The following CDO1 variants were observed in gnomAD, a reference collection of about 807,000 sequenced individuals.
The protein encoded by CDO1 is cysteine dioxygenase, type I.
Under a neutral mutation model 24.5 loss-of-function variants are expected in CDO1, and 19 were observed. The ratio of observed to expected loss-of-function variants is 0.77; its 90% CI spans 0.54 to 1.14. The LOEUF is 1.14. CDO1 is among the 50% of genes most tolerant of loss of function. The pLI, the probability that CDO1 is intolerant of heterozygous loss-of-function variation, is 0.00. For missense variants in CDO1, 244 were observed against 244.8 expected, an observed-to-expected ratio of 1.00 and a Z score of 0.02; for synonymous variants, 91 against 87.0, an observed-to-expected ratio of 1.05 and a Z score of -0.26.
chr5:115,807,079 G>C (rs1292661523), intron 3 of CDO1, among the ~76,000 whole-genome samples: 4 of 152,076 alleles, frequency 2.6e-5, no homozygotes, highest in African/African-American at 9.7e-5. Flanking sequence ...GAGTGTAAGA[G>C]ATCAACTTGG....
intron 2 of CDO1, among the ~76,000 whole-genome samples, chr5:115,812,045 T>C (rs1266403676): frequency 6.6e-6 from 1 of 152,224 alleles, no homozygotes; most frequent in Admixed American, 6.5e-5. Context: ...TGTATCTATA[T>C]ACATTTTGGG....
chr5:115,816,104 A>C, intron 1 of CDO1, 124 bp downstream of exon 1: 151 of 555,896 alleles, frequency 2.7e-4, no homozygotes, highest in Middle Eastern at 1.5e-3. Context: ...CGAGGGGGCG[A>C]GCGGCGGACG....
chr5:115,812,302 C>T (rs1267814251), intron 2 of CDO1, among the ~76,000 whole-genome samples: 1 of 152,094 alleles, frequency 6.6e-6, no homozygotes, highest in Non-Finnish European at 1.5e-5. Flanking sequence ...TTACCATTCT[C>T]AAGACTGAGA....
chr5:115,811,685 T>C (rs1161423422), intron 2 of CDO1, among the ~76,000 whole-genome samples: 1 of 152,178 alleles, frequency 6.6e-6, no homozygotes, highest in Non-Finnish European at 1.5e-5. Flanking sequence ...TGAAAGTACA[T>C]TAGAGAAATT....
intron 4 of CDO1, among the ~76,000 whole-genome samples, chr5:115,805,945 T>C (rs1396220046): frequency 6.6e-6 from 1 of 152,204 alleles, no homozygotes; most frequent in Non-Finnish European, 1.5e-5. Flanking sequence ...ATAAGCAACA[T>C]TGGCAAACAA....
rs368071141 is a variant in CDO1, at chr5:115,805,426, G to A, written c.*7C>T. 14 of 1,613,480 alleles carry A rather than the reference G, an allele frequency of 8.7e-6. No homozygotes were observed. The African/African-American group carries it at 1.9e-4, about 22-fold the overall frequency. ...TTAAAGTAAAACCTCAGAGGGTTTG[G>A]TGCCCCTTAGTTGTTCTCCAGCGAG... On this transcript the variant is annotated 3_prime_UTR_variant, in exon 5 of 5. Transcript: ENST00000250535.
chr5:115,811,789 T>C (rs1760199370), intron 2 of CDO1, among the ~76,000 whole-genome samples: 1 of 152,220 alleles, frequency 6.6e-6, no homozygotes, highest in South Asian at 2.1e-4. Context: ...CTTTTGTCTT[T>C]TCTCCTTCCT....
chr5:115,806,956 G>A (rs1424915473), intron 3 of CDO1, among the ~76,000 whole-genome samples: 1 of 152,220 alleles, frequency 6.6e-6, no homozygotes, highest in Non-Finnish European at 1.5e-5. Context: ...AAGATAGGCT[G>A]TAGATATAAG....
Position 115,811,150 on chromosome 5 carries a change from T to A in CDO1, c.403+11A>T, listed in dbSNP as rs376861683. The A allele has an allele frequency of 8.8e-5, 142 of 1,610,562 alleles. No homozygotes were observed. In the African/African-American group the frequency reaches 1.8e-3, roughly 20 times the overall value. On this transcript the variant is annotated intron_variant, in intron 3 of 4. Coordinates refer to ENST00000250535, the MANE Select transcript of CDO1 (RefSeq NM_001801.3). ...TTCCCACTTGCCCTTAGAAAAAGAA[T>A]AAGATGTTACCATTGATGTAGGCAC... is the stretch of plus-strand genomic sequence containing the variant.
Position 115,816,507 on chromosome 5 carries a change from G to A in CDO1, c.-110C>T, listed in dbSNP as rs1045653859. 24 of 1,182,454 alleles carry A rather than the reference G, an allele frequency of 2.0e-5. No homozygotes were observed. Among genetic ancestry groups the A allele is most frequent in the Middle Eastern group, 5.2e-4 (2 of 3,862 alleles). 73.2% of individuals were successfully genotyped at this position (1,182,454 alleles called of 1,614,324 possible). ...GCCTAACAGCCCGCTAGACCGCTAA[G>A]CAGACACACACGCACAAACCCAGCA... On this transcript the variant is annotated 5_prime_UTR_variant, in exon 1 of 5. Coordinates refer to ENST00000250535, the MANE Select transcript of CDO1 (RefSeq NM_001801.3).
Position 115,816,208 on chromosome 5 carries a change from T to G in CDO1, c.170+20A>C. 6.2e-7 allele frequency: 1 copy of G among 1,604,632 alleles called. No individual in the cohort carries two copies. Among genetic ancestry groups the G allele is most frequent in the Non-Finnish European group, 8.5e-7 (1 of 1,173,762 alleles). On this transcript the variant is annotated intron_variant, in intron 1 of 4. Coordinates refer to ENST00000250535, the MANE Select transcript of CDO1 (RefSeq NM_001801.3). ...GGGGCGAGTGGGCGCCGCCTGGCAT[T>G]GAAGCTGCAGCGCGCTCACCTGTAC...
chr5:115,816,527 C>A lies in CDO1; in HGVS notation c.-130G>T, dbSNP rs530557196. 4.9e-5 allele frequency: 50 copies of A among 1,014,676 alleles called. No homozygotes were observed. In the African/African-American group the frequency reaches 7.6e-4, roughly 15 times the overall value. The allele number at this position is 1,014,676 out of a possible 1,614,324, so 62.9% of individuals were successfully genotyped here. On this transcript the variant is annotated 5_prime_UTR_variant, in exon 1 of 5. Coordinates refer to ENST00000250535, the MANE Select transcript of CDO1 (RefSeq NM_001801.3). ...GCTAAGCAGACACACACGCACAAAC[C>A]CAGCATTAGAGTGCCGAAACGTAAG...
Position 115,806,485 on chromosome 5 carries a change from C to G in CDO1, c.437G>C (p.Ser146Thr). 1.9e-6 allele frequency: 3 copies of G among 1,610,812 alleles called. No homozygotes were observed. The highest frequency in any genetic ancestry group is 2.5e-6 in the Non-Finnish European group (3 of 1,178,884). ...SIGLHRVENI[S>T]HTEPAVSLHL... ...AAGGCTCACAGCAGGTTCCGTATGG[C>G]TGATGTTCTCTACTCGATGTAAGCC... The change falls in exon 4 of 5, where the codon AGC becomes ACC. Residue 146 changes from serine to threonine, a missense_variant. Coordinates refer to ENST00000250535, the MANE Select transcript of CDO1 (RefSeq NM_001801.3).
At chr5:115,809,218 T>G (rs189079726) in intron 3 of CDO1, among the ~76,000 whole-genome samples, 1 of 152,192 alleles carries the variant, frequency 6.6e-6, no homozygotes, top group South Asian at 2.1e-4. Flanking sequence ...GAAGCTCCTA[T>G]TAATAATCCA....
At chr5:115,810,087 G>A (rs1375838214) in intron 3 of CDO1, among the ~76,000 whole-genome samples, 3 of 152,162 alleles carry the variant, frequency 2.0e-5, no homozygotes, top group Non-Finnish European at 2.9e-5. Flanking sequence ...TGAAAGGTGT[G>A]TGAATGCTTT....
chr5:115,815,312 G>A (rs568258090), intron 1 of CDO1, among the ~76,000 whole-genome samples: 1 of 152,106 alleles, frequency 6.6e-6, no homozygotes, highest in South Asian at 2.1e-4. Flanking sequence ...CTCTGGCCCC[G>A]GAGGATTGGT....
At position 115,816,557 on chromosome 5, in the gene CDO1, T is replaced by A. The variant is rs868042839; in HGVS notation, c.-160A>T. 5.9e-5 allele frequency: 46 copies of A among 775,466 alleles called. No individual in the cohort carries two copies. In the Middle Eastern group the frequency reaches 3.9e-3, roughly 65 times the overall value. The allele number at this position is 775,466 out of a possible 1,614,324, so 48.0% of individuals were successfully genotyped here. A position where few individuals can be genotyped will look rare whatever the true frequency, so the allele number is the denominator to read the frequency against. ...ATTAGAGTGCCGAAACGTAAGGATG[T>A]CGTCGCAGAGACAGCAAGAGACCCA... On this transcript the variant is annotated 5_prime_UTR_variant, in exon 1 of 5. Transcript: ENST00000250535.
chr5:115,811,551 C>T (rs1760190527), intron 2 of CDO1, among the ~76,000 whole-genome samples: 1 of 151,894 alleles, frequency 6.6e-6, no homozygotes, highest in East Asian at 1.9e-4. Flanking sequence ...TGATGCATAC[C>T]CCTACTAATG....
chr5:115,807,362 G>A (rs910254553), intron 3 of CDO1, among the ~76,000 whole-genome samples: 1 of 152,140 alleles, frequency 6.6e-6, no homozygotes, highest in African/African-American at 2.4e-5. Flanking sequence ...TCATGTTCAG[G>A]GTTACCAATT....
Sources: gnomAD v4.1 joint callset for allele counts (sites outside exome capture counted in the v4.1 genomes callset) on GRCh38, gnomAD v4.1.1 for gene constraint, MANE v1.5 for transcripts, NCBI Gene and HGNC (gene_info 2026-07-23, HGNC 2026-07-21) for gene names.